The following XPNPEP1 variants were observed in gnomAD, a reference collection of about 807,000 sequenced individuals.
XPNPEP1 encodes X-prolyl aminopeptidase 1, also known as xaa-Pro aminopeptidase 1.
Under a neutral mutation model 92.4 loss-of-function variants are expected in XPNPEP1, and 39 were observed. The ratio of observed to expected loss-of-function variants is 0.42; its 90% CI spans 0.33 to 0.55. The LOEUF is 0.55. Ranked by LOEUF, XPNPEP1 falls within the 20% of genes least tolerant of loss-of-function variation. The pLI is 0.08. For synonymous variants in XPNPEP1, 307 were observed against 299.4 expected (o/e 1.03, Z -0.26); for missense variants, 654 against 856.1 (o/e 0.76, Z 2.95).
chr10:109,880,895 T>A lies in XPNPEP1; in HGVS notation c.1078A>T (p.Ile360Phe). The change falls in exon 11 of 21, where the codon ATC becomes TTC. Residue 360 changes from isoleucine to phenylalanine, a missense_variant. Transcript: ENST00000502935. Reference protein sequence around the residue: ...RCCMPYTPICIAKAVKNSAES... With the variant: ...RCCMPYTPICFAKAVKNSAES... The stretch of plus-strand genomic sequence containing the variant: ...GCTGAATTCTTCACAGCTTTGGCGA[T>A]GCAGATGGGGGTGTAAGGCATACAG... 3.7e-6 allele frequency: 6 copies of A among 1,614,090 alleles called. No individual in the cohort carries two copies. The highest frequency in any genetic ancestry group is 5.1e-6 in the Non-Finnish European group (6 of 1,179,996).
intron 2 of XPNPEP1, among the ~76,000 whole-genome samples, chr10:109,909,979 A>C (rs913174954): frequency 1.1e-4 from 17 of 152,082 alleles, no homozygotes; most frequent in Middle Eastern, 3.4e-3. Flanking sequence ...TCCACAGCTT[A>C]CTCCTGCATT....
intron 3 of XPNPEP1, among the ~76,000 whole-genome samples, chr10:109,897,845 G>T (rs1044988767): frequency 6.6e-6 from 1 of 152,012 alleles, no homozygotes; most frequent in African/African-American, 2.4e-5. Context: ...GTAGAGACAG[G>T]GTTTTGCCAT....
intron 3 of XPNPEP1, among the ~76,000 whole-genome samples, chr10:109,895,981 G>A (rs140248456): frequency 8.1e-4 from 123 of 152,298 alleles, no homozygotes; most frequent in East Asian, 5.6e-3. Context: ...CAGCTGATCT[G>A]ACTTTGCCAG....
At chr10:109,905,637 G>A (rs1308744331) in intron 3 of XPNPEP1, among the ~76,000 whole-genome samples, 1 of 152,154 alleles carries the variant, frequency 6.6e-6, no homozygotes, top group Non-Finnish European at 1.5e-5. Flanking sequence ...CTAGAGATCT[G>A]TTGCACAACA....
intron 2 of XPNPEP1, among the ~76,000 whole-genome samples, chr10:109,908,717 G>C (rs368836104): frequency 6.6e-6 from 1 of 152,368 alleles, no homozygotes; most frequent in East Asian, 1.9e-4. Flanking sequence ...AGTCACCCAA[G>C]TGTTAAGAGT....
intron 3 of XPNPEP1, among the ~76,000 whole-genome samples, chr10:109,904,652 T>C (rs1277017379): frequency 2.0e-5 from 3 of 152,130 alleles, no homozygotes; most frequent in East Asian, 3.8e-4. Context: ...AAAGAAAATA[T>C]ACAAATGGGA....
chr10:109,909,067 G>A (rs1407379530), intron 2 of XPNPEP1, among the ~76,000 whole-genome samples: 3 of 151,880 alleles, frequency 2.0e-5, no homozygotes, highest in African/African-American at 7.3e-5. Flanking sequence ...TCAGGAGATC[G>A]AGACCATCCT....
intron 3 of XPNPEP1, among the ~76,000 whole-genome samples, chr10:109,899,251 A>C (rs139988823): frequency 6.6e-6 from 1 of 152,356 alleles, no homozygotes; most frequent in East Asian, 1.9e-4. Context: ...CCCATGCCTC[A>C]TTACATTGAG....
chr10:109,887,949 C>A, intron 7 of XPNPEP1, 100 bp downstream of exon 7: 1 of 1,507,962 alleles, frequency 6.6e-7, no homozygotes, highest in Admixed American at 2.1e-5. Context: ...CTCCTGTCAG[C>A]TCCAACTCGA....
At position 109,886,262 on chromosome 10, in the gene XPNPEP1, G is replaced by C. The variant is rs532718905; in HGVS notation, c.732C>G (p.Ala244=). 2 of 1,614,054 alleles carry C rather than the reference G, an allele frequency of 1.2e-6. No individual in the cohort carries two copies. Among genetic ancestry groups the C allele is most frequent in the Non-Finnish European group, 1.7e-6 (2 of 1,180,022 alleles). Residue 244 remains alanine, a synonymous_variant, in exon 8 of 21, where the codon GCC becomes GCG. Transcript: ENST00000502935. The part of the protein sequence containing the change: ...ERNVMWFVVT[A]LDEIAWLFNL... ...AGCACTCACACGCAATCTCATCCAAGGCAGTGACCACAAACCACATGACGT... is the reference window on the plus strand; with the variant it reads ...AGCACTCACACGCAATCTCATCCAACGCAGTGACCACAAACCACATGACGT...
chr10:109,880,894 A>C lies in XPNPEP1; in HGVS notation c.1079T>G (p.Ile360Ser). The change falls in exon 11 of 21, where the codon ATC (isoleucine) becomes AGC (serine). Residue 360 changes from isoleucine to serine, a missense_variant. Coordinates refer to ENST00000502935, the MANE Select transcript of XPNPEP1 (RefSeq NM_020383.4). ...AGCTGAATTCTTCACAGCTTTGGCGATGCAGATGGGGGTGTAAGGCATACA... is the reference window on the plus strand; with the variant it reads ...AGCTGAATTCTTCACAGCTTTGGCGCTGCAGATGGGGGTGTAAGGCATACA... Reference protein sequence around the residue: ...RCCMPYTPICIAKAVKNSAES... With the variant: ...RCCMPYTPICSAKAVKNSAES... 6.2e-7 allele frequency: 1 copy of C among 1,614,100 alleles called. No homozygotes were observed.
In XPNPEP1 at chr10:109,877,815, G is replaced by A. The variant is rs1847866394; in HGVS notation, c.1294C>T (p.Pro432Ser). ...LSFPTISSTG[P>S]NGAIIHYAPV... ...GCGTAGTGAATGATGGCGCCGTTGG[G>A]TCCCGTACTGGAAATTGTTGGGAAG... The change falls in exon 14 of 21, where the codon CCC becomes TCC. Residue 432 changes from proline to serine, a missense_variant. Coordinates refer to ENST00000502935, the MANE Select transcript of XPNPEP1 (RefSeq NM_020383.4). The A allele has an allele frequency of 6.2e-7, 1 of 1,614,228 alleles. No individual in the cohort carries two copies. Among genetic ancestry groups the A allele is most frequent in the Non-Finnish European group, 8.5e-7 (1 of 1,180,050 alleles).
intron 8 of XPNPEP1, among the ~76,000 whole-genome samples, chr10:109,885,068 G>A (rs949016741): frequency 3.3e-5 from 5 of 152,168 alleles, no homozygotes; most frequent in African/African-American, 1.2e-4. Flanking sequence ...AGGGCAAGAT[G>A]AGTCAAAAGC....
chr10:109,923,324 G>A, intron 1 of XPNPEP1, 78 bp downstream of exon 1: 6 of 1,346,448 alleles, frequency 4.5e-6, no homozygotes, highest in Non-Finnish European at 4.8e-6. Context: ...GTCCCTGCCC[G>A]CCGAGGTGCA....
intron 5 of XPNPEP1, 98 bp from the exon 6 acceptor site, chr10:109,888,693 C>A: frequency 1.1e-6 from 1 of 905,772 alleles, no homozygotes; most frequent in South Asian, 2.6e-5. Flanking sequence ...ATAGCAGGGT[C>A]TTTATTAAGC....
chr10:109,899,977 G>C (rs917292099), intron 3 of XPNPEP1, among the ~76,000 whole-genome samples: 2 of 152,170 alleles, frequency 1.3e-5, no homozygotes, highest in Admixed American at 6.5e-5. Context: ...GAGAACAGAC[G>C]ATTCCTTGCT....
At chr10:109,877,752 C>A in intron 14 of XPNPEP1, 38 bp downstream of exon 14, 1 of 1,613,428 alleles carries the variant, frequency 6.2e-7, no homozygotes, top group Non-Finnish European at 8.5e-7. Context: ...TGTGCAGAAG[C>A]AGCAAGGCCA....
chr10:109,913,835 T>C (rs952579815), intron 2 of XPNPEP1, among the ~76,000 whole-genome samples: 1 of 152,128 alleles, frequency 6.6e-6, no homozygotes, highest in African/African-American at 2.4e-5. Context: ...CCTCATACAT[T>C]ACAAAAAGAA....
At chr10:109,871,138 C>A in intron 17 of XPNPEP1, 1 of 411,562 alleles carries the variant, frequency 2.4e-6, no homozygotes, top group Non-Finnish European at 4.3e-6. Flanking sequence ...CGGGGATAGA[C>A]ACCTACAGCA....
Sources: gnomAD v4.1 joint callset for allele counts (sites outside exome capture counted in the v4.1 genomes callset) on GRCh38, gnomAD v4.1.1 for gene constraint, MANE v1.5 for transcripts, NCBI Gene and HGNC (gene_info 2026-07-23, HGNC 2026-07-21) for gene names.